Variants in SLC12A6 observed in about 807,000 individuals in gnomAD.
SLC12A6 encodes K-Cl cotransporter 3.
SLC12A6 carries 66 observed loss-of-function variants against 135.3 expected under a neutral mutation model. The ratio of observed to expected loss-of-function variants is 0.49; its 90% CI spans 0.40 to 0.60. SLC12A6 has a LOEUF of 0.60. SLC12A6 is among the 20% of genes least tolerant of loss of function. SLC12A6 has a pLI of 0.00. For synonymous variants in SLC12A6, 513 were observed against 508.8 expected, an observed-to-expected ratio of 1.01 and a Z score of -0.11; for missense variants, 1,058 against 1,452.3, an observed-to-expected ratio of 0.73 and a Z score of 4.41.
intron 3 of SLC12A6, among the ~76,000 whole-genome samples, chr15:34,263,204 A>C (rs961361191): frequency 2.0e-5 from 3 of 152,180 alleles, no homozygotes; most frequent in Non-Finnish European, 4.4e-5. Flanking sequence ...AGACTGCTAG[A>C]GTCCAGGAGT....
chr15:34,256,388 C>T, intron 6 of SLC12A6, 105 bp from the exon 7 acceptor site: 3 of 784,726 alleles, frequency 3.8e-6, no homozygotes, highest in Non-Finnish European at 4.5e-6. Context: ...TTTAACTCTA[C>T]CTACTTTTAT....
rs1595400081 is a variant in SLC12A6 at position 34,236,891 on chromosome 15, G to A, written c.2935-76C>T. 4.7e-6 allele frequency: 4 copies of A among 856,264 alleles called. No individual in the cohort carries two copies. In the East Asian group the frequency reaches 9.8e-5, roughly 21 times the overall value. The allele number at this position is 856,264 out of a possible 1,614,324, so 53.0% of individuals were successfully genotyped here. ...GATGAACCATACATTTTTATTTCCA[G>A]TCACTAAATTAAACCAGGGACAGCA... On this transcript the variant is annotated intron_variant, in intron 22 of 25. Coordinates refer to ENST00000354181, the MANE Select transcript of SLC12A6 (RefSeq NM_001365088.1).
At chr15:34,275,517 T>C (rs953949850) in intron 2 of SLC12A6, 128 bp from the exon 3 acceptor site, 37 of 653,634 alleles carry the variant, frequency 5.7e-5, no homozygotes, top group Non-Finnish European at 5.5e-6. Flanking sequence ...GAAATATTAA[T>C]GTGAAGATAA....
At chr15:34,279,389 T>C (rs1318189535) in intron 2 of SLC12A6, among the ~76,000 whole-genome samples, 2 of 151,990 alleles carry the variant, frequency 1.3e-5, no homozygotes, top group Non-Finnish European at 2.9e-5. Flanking sequence ...TCTGGGAGTA[T>C]ATAGGCCCGT....
Position 34,250,738 on chromosome 15 carries a change from AT to A in SLC12A6, c.1493-10del. The A allele has an allele frequency of 6.5e-7, 1 of 1,546,440 alleles. No homozygotes were observed. The highest frequency in any genetic ancestry group is 8.9e-7 in the Non-Finnish European group (1 of 1,118,338). On this transcript the variant is annotated splice_polypyrimidine_tract_variant and intron_variant, in intron 11 of 25. Coordinates refer to ENST00000354181, the MANE Select transcript of SLC12A6 (RefSeq NM_001365088.1). ...TGATCCAGCCATGATACCTTTAGAGATAAGGGGGAAAAAACCAAGTTAACTT... is the reference window on the plus strand; with the variant it reads ...TGATCCAGCCATGATACCTTTAGAGAAAGGGGGAAAAAACCAAGTTAACTT...
At chr15:34,246,050 G>A (rs768441520) in intron 13 of SLC12A6, among the ~76,000 whole-genome samples, 183 bp from the exon 14 acceptor site, 6 of 151,824 alleles carry the variant, frequency 4.0e-5, no homozygotes, top group Non-Finnish European at 5.9e-5. Flanking sequence ...CTCTTGCCTC[G>A]GCTTCCTGAG....
At position 34,245,637 on chromosome 15, in the gene SLC12A6, CTG is replaced by C. The variant is rs1479059376; in HGVS notation, c.1824+54_1824+55del. 2.1e-6 allele frequency: 3 copies of C among 1,437,554 alleles called. No homozygotes were observed. The African/African-American group carries it at 4.2e-5, about 20-fold the overall frequency. The allele number at this position is 1,437,554 out of a possible 1,614,324, so 89.0% of individuals were successfully genotyped here. A position where few individuals can be genotyped will look rare whatever the true frequency, so the allele number is the denominator to read the frequency against. ...AATTTCTAAGCCCATGAAGACCACA[CTG>C]TTTCTCATTAAAGCTGGGAAAAAAA... is the stretch of plus-strand genomic sequence containing the variant. On this transcript the variant is annotated intron_variant, in intron 14 of 25. Transcript: ENST00000354181.
chr15:34,318,674 G>C (rs1478972365), intron 2 of SLC12A6: 1 of 1,613,410 alleles, frequency 6.2e-7, no homozygotes, highest in Non-Finnish European at 8.5e-7. Context: ...AGTAAAATGT[G>C]GCATTGTTAT....
At chr15:34,307,410 AAATAT>A (rs1896671383) in intron 2 of SLC12A6, among the ~76,000 whole-genome samples, 1 of 152,240 alleles carries the variant, frequency 6.6e-6, no homozygotes, top group Admixed American at 6.5e-5. Context: ...TGAAGAGATA[AAATAT>A]AATTACAGTG....
At chr15:34,254,305 T>A (rs1892595525) in intron 9 of SLC12A6, 43 bp downstream of exon 9, 3 of 1,575,948 alleles carry the variant, frequency 1.9e-6, no homozygotes, top group Non-Finnish European at 2.6e-6. Flanking sequence ...TATTTTCAAT[T>A]ACTACCCAAT....
At chr15:34,271,771 G>T (rs971308915) in intron 3 of SLC12A6, among the ~76,000 whole-genome samples, 5 of 151,990 alleles carry the variant, frequency 3.3e-5, no homozygotes, top group Non-Finnish European at 7.4e-5. Context: ...AAATAACTGT[G>T]CCCTGTTGAC....
intron 2 of SLC12A6, among the ~76,000 whole-genome samples, chr15:34,323,705 CT>C (rs1268334814): frequency 6.6e-6 from 1 of 152,168 alleles, no homozygotes; most frequent in Non-Finnish European, 1.5e-5. Flanking sequence ...AATCCCAGCA[CT>C]TTTGGGGGCC....
rs185251289 is a variant in SLC12A6, at chr15:34,241,999, A to C, written c.2162+103T>G. On this transcript the variant is annotated intron_variant, in intron 17 of 25. Coordinates refer to ENST00000354181, the MANE Select transcript of SLC12A6 (RefSeq NM_001365088.1). ...AGGGGTACAAAATATAGTTATGAAA[A>C]TGAAGTTACCTGAGTCCTTAAGATA... 8.5e-5 allele frequency: 72 copies of C among 849,562 alleles called. No homozygotes were observed. The East Asian group carries it at 1.7e-3, about 20-fold the overall frequency. The allele number at this position is 849,562 out of a possible 1,614,324, so 52.6% of individuals were successfully genotyped here.
intron 3 of SLC12A6, among the ~76,000 whole-genome samples, chr15:34,272,442 A>T (rs1894028602): frequency 6.6e-6 from 1 of 152,214 alleles, no homozygotes; most frequent in South Asian, 2.1e-4. Flanking sequence ...CTTAAGACAG[A>T]AGACAGAAGA....
chr15:34,309,481 T>C (rs1168134306), intron 2 of SLC12A6, among the ~76,000 whole-genome samples: 1 of 152,148 alleles, frequency 6.6e-6, no homozygotes, highest in African/African-American at 2.4e-5. Context: ...TAGCAGACAG[T>C]TGACAGAAGG....
intron 14 of SLC12A6, 77 bp from the exon 15 acceptor site, chr15:34,245,480 G>A: frequency 1.0e-6 from 1 of 957,224 alleles, no homozygotes. Flanking sequence ...ACAGTTTTCA[G>A]ACATCTGGAA....
intron 2 of SLC12A6, among the ~76,000 whole-genome samples, chr15:34,280,582 C>T (rs1471572873): frequency 1.3e-5 from 2 of 152,236 alleles, no homozygotes; most frequent in East Asian, 3.9e-4. Context: ...GGGATGTAAA[C>T]TAGTATAGCC....
chr15:34,321,311 G>A (rs948730412), intron 2 of SLC12A6, among the ~76,000 whole-genome samples: 3 of 152,216 alleles, frequency 2.0e-5, no homozygotes, highest in Non-Finnish European at 2.9e-5. Flanking sequence ...TGAAGGCAAA[G>A]TTAAAGTAGT....
At chr15:34,285,696 GTGTGTGTGTGTGTGTGTTTGT>G (rs1895004629) in intron 2 of SLC12A6, among the ~76,000 whole-genome samples, 1 of 2,210 alleles carries the variant, frequency 4.5e-4, no homozygotes, top group African/African-American at 3.1e-3. Context: ...TGCTATATGT[GTGTGTGTGTGTGTGTGTTTGT>G]CATACATAAA....
Sources: allele counts gnomAD v4.1 joint callset (sites outside exome capture counted in the v4.1 genomes callset), GRCh38; gene constraint gnomAD v4.1.1; transcripts MANE v1.5; gene names NCBI Gene and HGNC (gene_info 2026-07-23, HGNC 2026-07-21).